COL25A1: variants seen among roughly 807,000 people sequenced by gnomAD.
COL25A1 encodes collagen alpha-1(XXV) chain.
A neutral mutation model predicts 128.4 loss-of-function variants in COL25A1; 103 were observed. The ratio of observed to expected loss-of-function variants is 0.80; its 90% CI spans 0.68 to 0.94. COL25A1 has a LOEUF of 0.94. Among genes scored for constraint, COL25A1 ranks in the 40% least tolerant of loss-of-function variants. The pLI is 0.00. For missense variants in COL25A1, 745 were observed against 840.0 expected, an observed-to-expected ratio of 0.89 and a Z score of 1.40; for synonymous variants, 279 against 277.2, an observed-to-expected ratio of 1.01 and a Z score of -0.06.
Position 109,301,768 on chromosome 4 carries a change from G to GTGA in COL25A1, c.249_251dup (p.His84dup). ...CTTTCTCTTGCACCATAGTCTTGAG[G>GTGA]TGATCCAGGGTATCAGGCAGCAGAT... On this transcript the variant is annotated inframe_insertion, in exon 2 of 38. Transcript: ENST00000399132. 6.2e-7 allele frequency: 1 copy of GTGA among 1,614,266 alleles called. No homozygotes were observed. Among genetic ancestry groups the GTGA allele is most frequent in the Middle Eastern group, 1.6e-4 (1 of 6,062 alleles).
chr4:108,925,076 C>T (rs1186314521), intron 11 of COL25A1, among the ~76,000 whole-genome samples: 1 of 152,106 alleles, frequency 6.6e-6, no homozygotes, highest in Non-Finnish European at 1.5e-5. Flanking sequence ...CTCAGTGAAT[C>T]GTTTTGAGGT....
chr4:109,009,577 A>G (rs903075280), intron 6 of COL25A1, among the ~76,000 whole-genome samples: 14 of 152,210 alleles, frequency 9.2e-5, no homozygotes, highest in African/African-American at 3.4e-4. Context: ...CAGAAATAAC[A>G]TTCAGTACAT....
intron 3 of COL25A1, among the ~76,000 whole-genome samples, chr4:109,137,455 C>T (rs1323238501): frequency 5.9e-5 from 9 of 152,132 alleles, no homozygotes; most frequent in African/African-American, 2.2e-4. Flanking sequence ...GTAGACGCTC[C>T]CCTCTCCACT....
chr4:108,975,830 CTT>C (rs2125990354), intron 6 of COL25A1, among the ~76,000 whole-genome samples: 1 of 152,004 alleles, frequency 6.6e-6, no homozygotes, highest in South Asian at 2.1e-4. Flanking sequence ...CTCTTCATAC[CTT>C]TTGTCCTTGG....
chr4:109,301,926 G>C lies in COL25A1; in HGVS notation c.94C>G (p.Pro32Ala). 1 of 1,614,000 alleles carries C rather than the reference G, an allele frequency of 6.2e-7. No homozygotes were observed. The highest frequency in any genetic ancestry group is 1.1e-5 in the South Asian group (1 of 91,084). ...AGGGCCGCCAGGACGGCACACGGGG[G>C]CATGGTCCGGGCACAATGCTGTTCG... ...PAEQHCARTM[P>A]PCAVLAALLS... The change falls in exon 2 of 38, where the codon CCC becomes GCC. Residue 32 changes from proline to alanine, a missense_variant. Physicochemically the swap from Pro to Ala is conservative, Grantham distance 27. This residue lies in a region of COL25A1 where 319 missense variants were observed against 324.9 expected (regional missense o/e 0.98). Transcript: ENST00000399132.
At chr4:109,143,893 T>C (rs1185657336) in intron 3 of COL25A1, among the ~76,000 whole-genome samples, 5 of 152,204 alleles carry the variant, frequency 3.3e-5, no homozygotes, top group Non-Finnish European at 7.3e-5. Context: ...AACCTACTTC[T>C]GGTCAATTCG....
In COL25A1 at chr4:109,200,079, T is replaced by C. The variant is rs182891231; in HGVS notation, c.367+100504A>G. On this transcript the variant is annotated intron_variant, in intron 3 of 37. Coordinates refer to ENST00000399132, the MANE Select transcript of COL25A1 (RefSeq NM_198721.4). The stretch of plus-strand genomic sequence containing the variant: ...AGCTTTGTAAGAGGCAGCTAAATCA[T>C]CAAGTAACCAATCACACATTGTTGG... Among the ~76,000 whole-genome samples, 422 of 152,318 alleles carry C rather than the reference T, an allele frequency of 2.8e-3. 3 individuals carry two copies. Among genetic ancestry groups the C allele is most frequent in the Middle Eastern group, 0.017 (5 of 294 alleles).
At chr4:108,898,641 G>A (rs1483059189) in intron 15 of COL25A1, among the ~76,000 whole-genome samples, 1 of 152,072 alleles carries the variant, frequency 6.6e-6, no homozygotes, top group African/African-American at 2.4e-5. Flanking sequence ...ATTGCTGCAG[G>A]TAAACATCTG....
chr4:108,846,941 T>G (rs1311620205), intron 27 of COL25A1, among the ~76,000 whole-genome samples: 2 of 148,186 alleles, frequency 1.3e-5, no homozygotes, highest in Non-Finnish European at 3.0e-5. Flanking sequence ...AGTCTCACTC[T>G]GTCACCCAGG....
At chr4:109,257,574 C>T (rs541263895) in intron 3 of COL25A1, among the ~76,000 whole-genome samples, 23 of 152,292 alleles carry the variant, frequency 1.5e-4, no homozygotes, top group Admixed American at 1.5e-3. Context: ...TTCTATCTTT[C>T]CATAGACTTT....
At chr4:108,863,594 G>C (rs891671827) in intron 20 of COL25A1, among the ~76,000 whole-genome samples, 2 of 152,164 alleles carry the variant, frequency 1.3e-5, no homozygotes, top group African/African-American at 4.8e-5. Context: ...GTGTCAACTT[G>C]ACTGGATTAA....
intron 6 of COL25A1, among the ~76,000 whole-genome samples, chr4:108,993,130 T>G (rs2126015850): frequency 6.6e-6 from 1 of 152,330 alleles, no homozygotes; most frequent in East Asian, 1.9e-4. Flanking sequence ...TTTCTTAAAC[T>G]TATTCCTCCT....
intron 3 of COL25A1, among the ~76,000 whole-genome samples, chr4:109,078,082 GT>G (rs1279705973): frequency 1.3e-5 from 2 of 152,092 alleles, no homozygotes; most frequent in African/African-American, 4.8e-5. Flanking sequence ...CTCTTGACTT[GT>G]TTGTCTTTTA....
intron 3 of COL25A1, among the ~76,000 whole-genome samples, chr4:109,222,168 A>G (rs1778476574): frequency 7.1e-6 from 1 of 140,540 alleles, no homozygotes; most frequent in Admixed American, 7.7e-5. Flanking sequence ...AGTTCAAGTG[A>G]TTCTCCTGCC....
intron 20 of COL25A1, 21 bp downstream of exon 20, chr4:108,869,051 AAAAGAAAGAAAGAAGG>A (rs1738359646): frequency 7.4e-7 from 1 of 1,353,892 alleles, no homozygotes; most frequent in Non-Finnish European, 1.0e-6. Context: ...GAAAGAAAGA[AAAAGAAAGAAAGAAGG>A]AAAGAAAGAG....
Position 108,941,334 on chromosome 4 carries a change from A to T in COL25A1, c.564+32T>A, listed in dbSNP as rs778516905. ...CACAGAGCAATAACTGATGTAAAGA[A>T]GAAATCAGACTTCAGCAAGAATAAG... is the stretch of plus-strand genomic sequence containing the variant. On this transcript the variant is annotated intron_variant, in intron 9 of 37. Transcript: ENST00000399132. The T allele has an allele frequency of 2.5e-6, 4 of 1,571,904 alleles. No homozygotes were observed. The East Asian group carries it at 9.0e-5, about 35-fold the overall frequency.
intron 16 of COL25A1, among the ~76,000 whole-genome samples, chr4:108,893,541 G>C (rs1741771081): frequency 6.6e-6 from 1 of 152,086 alleles, no homozygotes; most frequent in Admixed American, 6.5e-5. Flanking sequence ...ACCCAGCCTA[G>C]TGGTTTTTAC....
chr4:108,847,291 C>A (rs111835676), intron 27 of COL25A1, among the ~76,000 whole-genome samples: 206 of 152,174 alleles, frequency 1.4e-3, no homozygotes, highest in African/African-American at 4.7e-3. Flanking sequence ...ACTAATGGCT[C>A]ATTCTTCAGT....
At chr4:109,181,222 G>A (rs1484385107) in intron 3 of COL25A1, among the ~76,000 whole-genome samples, 2 of 152,076 alleles carry the variant, frequency 1.3e-5, no homozygotes. Context: ...GTGGGGTGGA[G>A]GAGACTCCCT....
Sources: allele counts gnomAD v4.1 joint callset (sites outside exome capture counted in the v4.1 genomes callset), GRCh38; gene constraint gnomAD v4.1.1; regional missense constraint gnomAD v4.1.1; transcripts MANE v1.5; gene names NCBI Gene and HGNC (gene_info 2026-07-23, HGNC 2026-07-21).